Variants in CLIP3 observed in about 807,000 individuals in gnomAD.
CLIP3 encodes the protein CAP-Gly domain-containing linker protein 3.
A neutral mutation model predicts 59.4 loss-of-function variants in CLIP3; 15 were observed. That is an observed-to-expected ratio of 0.25 (90% CI 0.17 to 0.39). The LOEUF is 0.39. Among genes scored for constraint, CLIP3 ranks in the 10% least tolerant of loss-of-function variants. The pLI is 1.00. For synonymous variants in CLIP3, 300 were observed against 321.6 expected (o/e 0.93, Z 0.72); for missense variants, 495 against 765.7 (o/e 0.65, Z 4.17).
intron 7 of CLIP3, among the ~76,000 whole-genome samples, chr19:36,020,074 C>T (rs1472124263): frequency 6.6e-6 from 1 of 151,802 alleles, no homozygotes; most frequent in East Asian, 2.0e-4. Flanking sequence ...GACAGCAAGA[C>T]CCTATTCTCT....
At position 36,016,309 on chromosome 19, in the gene CLIP3, C is replaced by A; in HGVS notation, c.1590-97G>T. 7.2e-7 allele frequency: 1 copy of A among 1,384,864 alleles called. No homozygotes were observed. Among genetic ancestry groups the A allele is most frequent in the South Asian group, 1.2e-5 (1 of 83,690 alleles). 85.8% of individuals were successfully genotyped at this position (1,384,864 alleles called of 1,614,324 possible). A position where few individuals can be genotyped will look rare whatever the true frequency, so the allele number is the denominator to read the frequency against. On this transcript the variant is annotated intron_variant, in intron 13 of 13. Transcript: ENST00000360535. This position sits in a 1 kb window ranked among gnomAD's most constrained non-coding sequence, Gnocchi z 4.1. ...TTTCCCCCAGTGTTTGCTATCAGGC[C>A]TTTCTGGATTCTGCCTCTACCTCTC...
chr19:36,017,311 T>C lies in CLIP3; in HGVS notation c.1516+75A>G, dbSNP rs1968823207. The C allele has an allele frequency of 5.1e-6, 7 of 1,366,436 alleles. No individual in the cohort carries two copies. In the East Asian group the frequency reaches 1.6e-4, roughly 31 times the overall value. The allele number at this position is 1,366,436 out of a possible 1,614,324, so 84.6% of individuals were successfully genotyped here. A position where few individuals can be genotyped will look rare whatever the true frequency, so the allele number is the denominator to read the frequency against. ...TAAATACCAGAGACTGTCACCAGTA[T>C]ATACCTGAGAACCCATGACCCTTCC... On this transcript the variant is annotated intron_variant, in intron 12 of 13. Transcript: ENST00000360535.
At position 36,024,616 on chromosome 19, in the gene CLIP3, AC is replaced by A; in HGVS notation, c.697del (p.Val233CysfsTer272). ...AGGATCTGGGACCACCTCCGCCGGC[AC>A]CTGTCCTTTTCGATTCTGGGGGCCA... ...NPALRNRKGQ[V>X]PAEVVPDPMD... On this transcript the variant is annotated frameshift_variant, in exon 7 of 14. Transcript: ENST00000360535. LOFTEE classifies it high-confidence loss of function. The A allele has an allele frequency of 6.2e-7, 1 of 1,614,044 alleles. No individual in the cohort carries two copies. The highest frequency in any genetic ancestry group is 8.5e-7 in the Non-Finnish European group (1 of 1,180,000).
At chr19:36,028,802 TC>T (rs979236675) in intron 2 of CLIP3, among the ~76,000 whole-genome samples, 1 of 151,906 alleles carries the variant, frequency 6.6e-6, no homozygotes, top group African/African-American at 2.4e-5. Flanking sequence ...CACACTGGGC[TC>T]CCTCTGTCCC....
chr19:36,027,025 A>C lies in CLIP3; in HGVS notation c.327T>G (p.His109Gln). The change falls in exon 4 of 14, where the codon CAT becomes CAG. Residue 109 changes from histidine to glutamine, a missense_variant. Physicochemically the swap from His to Gln is conservative, Grantham distance 24. This residue lies in a region of CLIP3 where 26 missense variants were observed against 79.5 expected (regional missense o/e 0.33). Transcript: ENST00000360535. ...CGGTCAGCCCGTCACGATCGTTCAC[A>C]TGGCAGCCTCGGCGCAGAATCTGTG... ...IGNEILRRGC[H>Q]VNDRDGLTDM... 6.2e-7 allele frequency: 1 copy of C among 1,600,452 alleles called. No individual in the cohort carries two copies. The highest frequency in any genetic ancestry group is 1.1e-5 in the South Asian group (1 of 89,574).
chr19:36,023,572 T>C (rs1969010253), intron 7 of CLIP3, among the ~76,000 whole-genome samples: 1 of 152,012 alleles, frequency 6.6e-6, no homozygotes, highest in Non-Finnish European at 1.5e-5. Context: ...TTACCTTTTT[T>C]TTTTTTTTTC....
chr19:36,027,124 G>A lies in CLIP3; in HGVS notation c.306+8C>T. 1.2e-6 allele frequency: 2 copies of A among 1,602,764 alleles called. No individual in the cohort carries two copies. The highest frequency in any genetic ancestry group is 1.7e-6 in the Non-Finnish European group (2 of 1,175,160). On this transcript the variant is annotated splice_region_variant and intron_variant, in intron 3 of 13. Transcript: ENST00000360535. ...CCCCTCTCCCCCTGGTTTCCCCAGT[G>A]TTCTCACCTCATTGCCGATGACGTC... is the stretch of plus-strand genomic sequence containing the variant.
chr19:36,027,845 G>A (rs116054531), intron 2 of CLIP3, among the ~76,000 whole-genome samples: 2,767 of 151,558 alleles, frequency 0.018, 90 homozygotes, highest in African/African-American at 0.063. Flanking sequence ...GACCAGCCTG[G>A]GCAACATAGC....
At chr19:36,017,182 C>A (rs1214545347) in intron 12 of CLIP3, among the ~76,000 whole-genome samples, 1 of 152,200 alleles carries the variant, frequency 6.6e-6, no homozygotes, top group South Asian at 2.1e-4. Context: ...ATCTGCTCAA[C>A]CTCATGTCCC....
At chr19:36,020,632 A>G (rs901320512) in intron 7 of CLIP3, among the ~76,000 whole-genome samples, 6 of 152,150 alleles carry the variant, frequency 3.9e-5, no homozygotes, top group South Asian at 2.1e-4. Context: ...AATACAAATC[A>G]ATACATTTAA....
Position 36,017,648 on chromosome 19 carries a change from G to T in CLIP3, c.1451+7C>A, listed in dbSNP as rs762300263. 2.5e-6 allele frequency: 4 copies of T among 1,613,678 alleles called. No homozygotes were observed. The Admixed American group carries it at 5.0e-5, about 20-fold the overall frequency. On this transcript the variant is annotated splice_region_variant and intron_variant, in intron 11 of 13. Coordinates refer to ENST00000360535, the MANE Select transcript of CLIP3 (RefSeq NM_015526.3). ...GCCCTGGGTTTGGGCTGGAAGTTTGGGCTCACCTCTGAATACGGGATGCTG... is the reference window on the plus strand; with the variant it reads ...GCCCTGGGTTTGGGCTGGAAGTTTGTGCTCACCTCTGAATACGGGATGCTG...
Position 36,024,381 on chromosome 19 carries a change from A to C in CLIP3, c.918+15T>G. 1 of 1,606,486 alleles carries C rather than the reference A, an allele frequency of 6.2e-7. No individual in the cohort carries two copies. Among genetic ancestry groups the C allele is most frequent in the Non-Finnish European group, 8.5e-7 (1 of 1,174,762 alleles). On this transcript the variant is annotated intron_variant, in intron 7 of 13. Transcript: ENST00000360535. ...ACCCCCACCCACCATGCAAACACAC[A>C]TCCCAGCCCCTGACCTTCTGGCCAT...
rs1599694332 is a variant in CLIP3 at position 36,018,951 on chromosome 19, G to A, written c.1130C>T (p.Thr377Ile). The A allele has an allele frequency of 6.2e-7, 1 of 1,612,132 alleles. No individual in the cohort carries two copies. ...GACACGGGAGAAGTCCATCCGGGGGGTCCGGGGTGTGGAGGTGACAGAGGA... is the reference window on the plus strand; with the variant it reads ...GACACGGGAGAAGTCCATCCGGGGGATCCGGGGTGTGGAGGTGACAGAGGA... ...PPSSVTSTPR[T>I]PRMDFSRVTG... The change falls in exon 9 of 14, where the codon ACC (threonine) becomes ATC (isoleucine). Residue 377 changes from threonine (T) to isoleucine (I), a missense_variant. Thr to Ile is a moderately conservative substitution (Grantham distance 89). Transcript: ENST00000360535.
Position 36,017,371 on chromosome 19 carries a change from C to T in CLIP3, c.1516+15G>A, listed in dbSNP as rs1403192588. On this transcript the variant is annotated intron_variant, in intron 12 of 13. Transcript: ENST00000360535. ...CAAACGTACACTCCTCCCAACATAT[C>T]ATCCCCTAACTCACTTGTCACTTGA... 6.2e-7 allele frequency: 1 copy of T among 1,613,592 alleles called. No homozygotes were observed. Among genetic ancestry groups the T allele is most frequent in the Non-Finnish European group, 8.5e-7 (1 of 1,179,492 alleles).
chr19:36,018,750 G>T, intron 9 of CLIP3, 148 bp downstream of exon 9: 1 of 1,105,190 alleles, frequency 9.0e-7, no homozygotes, highest in South Asian at 1.5e-5. Context: ...TGAGCCAAAG[G>T]GGAAACTGAG....
Position 36,028,996 on chromosome 19 carries a change from CTTTTTTTTTTT to C in CLIP3, c.167-1736_167-1726del, listed in dbSNP as rs71167588. On this transcript the variant is annotated intron_variant, in intron 2 of 13. Transcript: ENST00000360535. The stretch of plus-strand genomic sequence containing the variant: ...CACCCGCCCTTCTCCATCTCCTACT[CTTTTTTTTTTT>C]TTTTTTTTTTTTTTTTTTAGAGATA... 4.4e-3 allele frequency among the ~76,000 whole-genome samples: 289 copies of C among 65,274 alleles called. 2 individuals are homozygous for C. Among genetic ancestry groups the C allele is most frequent in the African/African-American group, 0.018 (273 of 15,182 alleles). 42.8% of individuals were successfully genotyped at this position (65,274 alleles called of 152,430 possible).
At chr19:36,018,547 G>T (rs529819938) in intron 9 of CLIP3, among the ~76,000 whole-genome samples, 1 of 146,646 alleles carries the variant, frequency 6.8e-6, no homozygotes, top group African/African-American at 2.6e-5. Context: ...GTGCCACCAC[G>T]CTCCAGCCTG....
intron 7 of CLIP3, among the ~76,000 whole-genome samples, chr19:36,022,306 A>G (rs1464603941): frequency 6.6e-6 from 1 of 152,120 alleles, no homozygotes; most frequent in Non-Finnish European, 1.5e-5. Flanking sequence ...TTAAACCTCA[A>G]CCAGCCCCCT....
At chr19:36,019,791 C>T (rs547009363) in intron 7 of CLIP3, among the ~76,000 whole-genome samples, 101 of 151,668 alleles carry the variant, frequency 6.7e-4, no homozygotes, top group African/African-American at 2.1e-3. Context: ...TTAGTAGAGA[C>T]GGGGCTTCGC....
Sources: gnomAD v4.1 joint callset for allele counts (sites outside exome capture counted in the v4.1 genomes callset) on GRCh38, gnomAD v4.1.1 for gene constraint, gnomAD v4.1.1 regional missense constraint, Gnocchi (gnomAD v3.1) non-coding constraint, MANE v1.5 for transcripts, NCBI Gene and HGNC (gene_info 2026-07-23, HGNC 2026-07-21) for gene names.